Variants in CDHR2 observed in about 807,000 individuals in gnomAD.
CDHR2 encodes the protein cadherin related family member 2, also known as cadherin-related family member 2.
In CDHR2, 104 loss-of-function variants were observed where a neutral mutation model predicts 138.6. That is an observed-to-expected ratio of 0.75 (90% CI 0.64 to 0.88). The LOEUF is 0.88. Among genes scored for constraint, CDHR2 ranks in the 40% least tolerant of loss-of-function variants. The pLI is 0.00. For missense variants in CDHR2, 1,624 were observed against 1,727.6 expected, an observed-to-expected ratio of 0.94 and a Z score of 1.06; for synonymous variants, 755 against 742.8, an observed-to-expected ratio of 1.02 and a Z score of -0.27.
At chr5:176,587,459 AAAT>A (rs1758697314) in intron 21 of CDHR2, among the ~76,000 whole-genome samples, 3 of 148,236 alleles carry the variant, frequency 2.0e-5, no homozygotes, top group African/African-American at 2.5e-5. Context: ...AAAAAAAAAT[AAAT>A]AAATAAATAA....
chr5:176,567,238 G>A, intron 3 of CDHR2: 1 of 276,666 alleles, frequency 3.6e-6, no homozygotes, highest in Non-Finnish European at 7.1e-6. Context: ...GTGCGATCAT[G>A]CTCACTTCAG....
intron 3 of CDHR2, 63 bp downstream of exon 3, chr5:176,565,806 G>A (rs1456743187): frequency 3.3e-6 from 4 of 1,227,624 alleles, no homozygotes; most frequent in African/African-American, 3.0e-5. Flanking sequence ...GTCCTGGGGT[G>A]CCCTCTGGAG....
chr5:176,551,296 T>C (rs955747129), intron 1 of CDHR2, among the ~76,000 whole-genome samples: 1 of 151,732 alleles, frequency 6.6e-6, no homozygotes, highest in Non-Finnish European at 1.5e-5. Flanking sequence ...GCCTCCCGAA[T>C]AGCTGGGATT....
At chr5:176,544,054 T>C (rs1193260759) in intron 1 of CDHR2, among the ~76,000 whole-genome samples, 3 of 152,256 alleles carry the variant, frequency 2.0e-5, no homozygotes, top group Non-Finnish European at 2.9e-5. Flanking sequence ...CGGGCCGCGC[T>C]CTGGCTGGCA....
chr5:176,579,504 G>C (rs1485247059), intron 16 of CDHR2, among the ~76,000 whole-genome samples: 1 of 152,158 alleles, frequency 6.6e-6, no homozygotes, highest in African/African-American at 2.4e-5. Context: ...TGGTCTGTGA[G>C]CTCCTTGGGG....
chr5:176,556,969 T>C (rs1321855893), intron 1 of CDHR2, among the ~76,000 whole-genome samples: 43 of 128,978 alleles, frequency 3.3e-4, no homozygotes, highest in Admixed American at 1.6e-4. Flanking sequence ...CTCCCTCCCT[T>C]CCTCCCTTCC....
chr5:176,576,803 C>T lies in CDHR2; in HGVS notation c.1195-596C>T, dbSNP rs555332968. On this transcript the variant is annotated intron_variant, in intron 12 of 31. Transcript: ENST00000261944. This position sits in a 1 kb window ranked among gnomAD's most constrained non-coding sequence, Gnocchi z 4.5. ...TGTTGGCCAGGTTGGTCTTGAACTC[C>T]TGACCTCAAGTGATCCACCTACCTT... 1.2e-4 allele frequency among the ~76,000 whole-genome samples: 19 copies of T among 152,226 alleles called. No homozygotes were observed. Among genetic ancestry groups the T allele is most frequent in the African/African-American group, 3.1e-4 (13 of 41,540 alleles).
rs557211193 is a variant in CDHR2 at position 176,591,539 on chromosome 5, C to CGGT, written c.3734+66_3734+68dup. On this transcript the variant is annotated intron_variant, in intron 30 of 31. Coordinates refer to ENST00000261944, the MANE Select transcript of CDHR2 (RefSeq NM_017675.6). ...GTGGTGGTGGTGGTACAGGTAGTGA[C>CGGT]GGTGGTGGTGGTGATGGTGTTGGTG... 8.2e-5 allele frequency: 108 copies of CGGT among 1,314,972 alleles called. No individual in the cohort carries two copies. In the African/African-American group the frequency reaches 1.2e-3, roughly 14 times the overall value. The allele number at this position is 1,314,972 out of a possible 1,614,324, so 81.5% of individuals were successfully genotyped here.
At position 176,584,843 on chromosome 5, in the gene CDHR2, C is replaced by T. The variant is rs375948149; in HGVS notation, c.2562C>T (p.Ala854=). 6.3e-4 allele frequency: 1,018 copies of T among 1,614,102 alleles called. 17 individuals are homozygous for T. The South Asian group carries it at 0.01, about 16-fold the overall frequency. ...TTGTGAACATTCTCTGCACCAAGGCCGGGGTCGATGTGGGCAGCCTATGCT... is the reference window on the plus strand; with the variant it reads ...TTGTGAACATTCTCTGCACCAAGGCTGGGGTCGATGTGGGCAGCCTATGCT... ...IQLVNILCTK[A]GVDVGSLCWG... The change falls in exon 19 of 32, where the codon GCC becomes GCT. Residue 854 remains alanine, a synonymous_variant. Coordinates refer to ENST00000261944, the MANE Select transcript of CDHR2 (RefSeq NM_017675.6).
upstream of CDHR2, among the ~76,000 whole-genome samples, chr5:176,546,669 C>A (rs1757589481): frequency 4.0e-5 from 6 of 149,212 alleles, no homozygotes; most frequent in Admixed American, 4.0e-4. Context: ...ACCTGTAATC[C>A]TAGTACTTTG....
At chr5:176,595,015 A>G (rs1758987167) in intron 31 of CDHR2, among the ~76,000 whole-genome samples, 1 of 152,230 alleles carries the variant, frequency 6.6e-6, no homozygotes, top group South Asian at 2.1e-4. Flanking sequence ...GTGTCACATC[A>G]TGGACACGCT....
At chr5:176,555,581 A>T (rs1757801980) in intron 1 of CDHR2, among the ~76,000 whole-genome samples, 1 of 152,126 alleles carries the variant, frequency 6.6e-6, no homozygotes, top group Non-Finnish European at 1.5e-5. Flanking sequence ...CTTAAGAGGA[A>T]ATTACTGCCT....
chr5:176,595,588 C>T lies in CDHR2; in HGVS notation c.3849C>T (p.Val1283=). ...CAGATCCAGAGCCCCTGAGCGTGGT[C>T]CTGTTAGGACGGCAGGCAGGCGCAA... The part of the protein sequence containing the change: ...PEPDPEPLSV[V]LLGRQAGASG... Residue 1283 remains valine (V), a synonymous_variant, in exon 32 of 32, where the codon GTC becomes GTT. Transcript: ENST00000261944. The T allele has an allele frequency of 5.0e-6, 8 of 1,613,016 alleles. No homozygotes were observed. Among genetic ancestry groups the T allele is most frequent in the Non-Finnish European group, 6.8e-6 (8 of 1,179,420 alleles).
chr5:176,568,595 C>T, intron 3 of CDHR2, 83 bp from the exon 4 acceptor site: 2 of 1,514,948 alleles, frequency 1.3e-6, no homozygotes, highest in Non-Finnish European at 9.0e-7. Context: ...GCCAGGCGCC[C>T]AGCCCAGCCT....
At chr5:176,567,906 G>T (rs1758119897) in intron 3 of CDHR2, among the ~76,000 whole-genome samples, 1 of 152,236 alleles carries the variant, frequency 6.6e-6, no homozygotes, top group South Asian at 2.1e-4. Flanking sequence ...GGGGATTACA[G>T]ATGTAAACCA....
In CDHR2 at chr5:176,575,522, C is replaced by T. The variant is rs374219258; in HGVS notation, c.785C>T (p.Thr262Met). 4.8e-5 allele frequency: 77 copies of T among 1,614,010 alleles called. No homozygotes were observed. Among genetic ancestry groups the T allele is most frequent in the Middle Eastern group, 1.6e-4 (1 of 6,082 alleles). Residue 262 changes from threonine (T) to methionine (M), a missense_variant, in exon 10 of 32, where the codon ACG (threonine) becomes ATG (methionine). Physicochemically the swap from Thr to Met is moderately conservative, Grantham distance 81. Transcript: ENST00000261944. ...EDAAKGTSVL[T>M]VEAVDGDKGI... ...CCATTCCAGGGAACCTCGGTGCTGACGGTGGAGGCTGTGGATGGCGACAAA... is the reference window on the plus strand; with the variant it reads ...CCATTCCAGGGAACCTCGGTGCTGATGGTGGAGGCTGTGGATGGCGACAAA...
intron 3 of CDHR2, among the ~76,000 whole-genome samples, chr5:176,567,375 GC>G (rs1175493879): frequency 6.6e-6 from 1 of 152,114 alleles, no homozygotes; most frequent in Non-Finnish European, 1.5e-5. Flanking sequence ...TTGCTACATT[GC>G]TGAGGCTGGT....
At chr5:176,552,296 G>A (rs1004926534) in intron 1 of CDHR2, among the ~76,000 whole-genome samples, 5 of 152,256 alleles carry the variant, frequency 3.3e-5, no homozygotes, top group African/African-American at 1.2e-4. Context: ...TTACAGAATG[G>A]AGAGGATTTG....
chr5:176,546,928 G>C (rs954429326), upstream of CDHR2, among the ~76,000 whole-genome samples: 3 of 151,360 alleles, frequency 2.0e-5, no homozygotes, highest in African/African-American at 7.3e-5. Flanking sequence ...TCAAAACTCA[G>C]AACTGCATCA....
Sources: allele counts gnomAD v4.1 joint callset (sites outside exome capture counted in the v4.1 genomes callset), GRCh38; gene constraint gnomAD v4.1.1; non-coding constraint Gnocchi (gnomAD v3.1); transcripts MANE v1.5; gene names NCBI Gene and HGNC (gene_info 2026-07-23, HGNC 2026-07-21).